The following MTMR6 variants were observed in gnomAD, a reference collection of about 807,000 sequenced individuals.
MTMR6 encodes phosphatidylinositol-3,5-bisphosphate 3-phosphatase MTMR6.
In MTMR6, 47 loss-of-function variants were observed where a neutral mutation model predicts 80.1. The ratio of observed to expected loss-of-function variants is 0.59; its 90% confidence interval spans 0.46 to 0.75. MTMR6 has a LOEUF of 0.75. MTMR6 is among the 30% of genes least tolerant of loss of function. The pLI is 0.00. For synonymous variants in MTMR6, 254 were observed against 253.0 expected (o/e 1.00, Z -0.04); for missense variants, 629 against 730.9 (o/e 0.86, Z 1.61).
chr13:25,257,950 AACAGGCAAG>A, intron 7 of MTMR6, 105 bp from the exon 8 acceptor site: 1 of 673,838 alleles, frequency 1.5e-6, no homozygotes, highest in Non-Finnish European at 2.4e-6. Context: ...AGACAAAATA[AACAGGCAAG>A]ACTCTATAAA....
Position 25,257,177 on chromosome 13 carries a change from T to C in MTMR6, c.1095+19A>G. On this transcript the variant is annotated intron_variant, in intron 9 of 13. Coordinates refer to ENST00000381801, the MANE Select transcript of MTMR6 (RefSeq NM_004685.5). ...TACTCCTACTTAAGAACCATTGGTC[T>C]AACCAAATAAATCCTTACCATGAAT... 6.2e-7 allele frequency: 1 copy of C among 1,609,152 alleles called. No homozygotes were observed. The highest frequency in any genetic ancestry group is 8.5e-7 in the Non-Finnish European group (1 of 1,177,318).
Position 25,247,494 on chromosome 13 carries a change from A to T in MTMR6, c.*1738T>A, listed in dbSNP as rs1031012316. On this transcript the variant is annotated 3_prime_UTR_variant, in exon 14 of 14. Coordinates refer to ENST00000381801, the MANE Select transcript of MTMR6 (RefSeq NM_004685.5). Reference sequence around the variant, plus strand: ...GTCTGAAGTTGAAGATTAAGATAATAAACCAGAGTTGAATACAAGAAGTCA... The same window carrying T: ...GTCTGAAGTTGAAGATTAAGATAATTAACCAGAGTTGAATACAAGAAGTCA... 2.0e-5 allele frequency: 3 copies of T among 152,468 alleles called. No individual in the cohort carries two copies. Among genetic ancestry groups the T allele is most frequent in the Non-Finnish European group, 4.4e-5 (3 of 68,018 alleles). The allele number at this position is 152,468 out of a possible 1,614,324, so 9.4% of individuals were successfully genotyped here.
Position 25,268,958 on chromosome 13 carries a change from G to A in MTMR6, c.142-1017C>T, listed in dbSNP as rs539660911. On this transcript the variant is annotated intron_variant, in intron 2 of 13. Coordinates refer to ENST00000381801, the MANE Select transcript of MTMR6 (RefSeq NM_004685.5). ...TCTCCCAACTCCCACTGCCTGTTCT[G>A]TGGTAGAGCAAAGTTGTGGACATGT... 5.3e-5 allele frequency among the ~76,000 whole-genome samples: 8 copies of A among 152,324 alleles called. No individual in the cohort carries two copies. The South Asian group carries it at 1.7e-3, about 32-fold the overall frequency.
intron 9 of MTMR6, 64 bp downstream of exon 9, chr13:25,257,132 C>G: frequency 6.7e-7 from 1 of 1,497,918 alleles, no homozygotes; most frequent in Admixed American, 2.0e-5. Flanking sequence ...TGCCAAATGT[C>G]CTCTGGAGGA....
intron 2 of MTMR6, among the ~76,000 whole-genome samples, chr13:25,268,557 C>T (rs1957503843): frequency 6.6e-6 from 1 of 152,178 alleles, no homozygotes; most frequent in South Asian, 2.1e-4. Context: ...GGTCTTTGCT[C>T]AAAACTCATA....
intron 1 of MTMR6, among the ~76,000 whole-genome samples, chr13:25,278,440 A>C (rs1957772854): frequency 6.6e-6 from 1 of 152,072 alleles, no homozygotes; most frequent in African/African-American, 2.4e-5. Context: ...AAACATATAA[A>C]AATTAGCAGC....
chr13:25,249,708 TAAAC>T (rs1253008262), intron 13 of MTMR6, among the ~76,000 whole-genome samples: 1 of 152,146 alleles, frequency 6.6e-6, no homozygotes, highest in Non-Finnish European at 1.5e-5. Flanking sequence ...TTATATTTAT[TAAAC>T]AAACAATCCA....
rs770043179 is a variant in MTMR6, at chr13:25,261,813, A to G, written c.592-11T>C. ...TCGACAAATGGCAGCCTATTTTTTAAAGGACAGAAAAGAGATTATGCAAAG... is the reference window on the plus strand; with the variant it reads ...TCGACAAATGGCAGCCTATTTTTTAGAGGACAGAAAAGAGATTATGCAAAG... On this transcript the variant is annotated splice_polypyrimidine_tract_variant and intron_variant, in intron 5 of 13. Transcript: ENST00000381801. The G allele has an allele frequency of 1.9e-5, 30 of 1,606,400 alleles. No individual in the cohort carries two copies. The Middle Eastern group carries it at 1.3e-3, about 71-fold the overall frequency.
intron 5 of MTMR6, among the ~76,000 whole-genome samples, chr13:25,263,999 T>A (rs1200498506): frequency 6.6e-6 from 1 of 152,106 alleles, no homozygotes; most frequent in African/African-American, 2.4e-5. Context: ...AACAGGTATT[T>A]GAAAGACATG....
At chr13:25,255,361 C>T (rs1174462526) in intron 9 of MTMR6, among the ~76,000 whole-genome samples, 2 of 152,194 alleles carry the variant, frequency 1.3e-5, no homozygotes, top group Non-Finnish European at 2.9e-5. Context: ...TAAAGCATAA[C>T]TCAATATCTT....
At chr13:25,276,384 T>A (rs1467003443) in intron 1 of MTMR6, among the ~76,000 whole-genome samples, 1 of 152,186 alleles carries the variant, frequency 6.6e-6, no homozygotes, top group Non-Finnish European at 1.5e-5. Context: ...AATTAAAAAG[T>A]CTACTGGCAA....
rs76349442 is a variant in MTMR6, at chr13:25,279,660, G to A, written c.25-5473C>T. Reference sequence around the variant, plus strand: ...CAAATGGAGAAAGGAAGAAGGATGCGTATGGAGTTTAAAAGGCAAATTCCA... The same window carrying A: ...CAAATGGAGAAAGGAAGAAGGATGCATATGGAGTTTAAAAGGCAAATTCCA... On this transcript the variant is annotated intron_variant, in intron 1 of 13. Transcript: ENST00000381801. Among the ~76,000 whole-genome samples, 1,011 of 152,292 alleles carry A rather than the reference G, an allele frequency of 6.6e-3. 17 individuals are homozygous for A. Among genetic ancestry groups the A allele is most frequent in the African/African-American group, 0.022 (919 of 41,552 alleles).
chr13:25,275,607 A>T (rs887601206), intron 1 of MTMR6, among the ~76,000 whole-genome samples: 1 of 151,954 alleles, frequency 6.6e-6, no homozygotes, highest in African/African-American at 2.4e-5. Context: ...CACGCCTGTA[A>T]TCCCAGCACT....
intron 2 of MTMR6, among the ~76,000 whole-genome samples, chr13:25,272,099 C>T (rs1051983106): frequency 2.0e-5 from 3 of 152,124 alleles, no homozygotes; most frequent in Admixed American, 6.5e-5. Flanking sequence ...TAAATGGCGC[C>T]GGTCGTCTAT....
In MTMR6 at chr13:25,249,506, A is replaced by G. The variant is rs1229864322; in HGVS notation, c.1606-14T>C. On this transcript the variant is annotated splice_polypyrimidine_tract_variant and intron_variant, in intron 13 of 13. Transcript: ENST00000381801. ...TTGTTTAATTTTCTAGAACAAACAC[A>G]AATTTGAAAAAATTACTAATTGCAT... is the stretch of plus-strand genomic sequence containing the variant. The G allele has an allele frequency of 6.2e-7, 1 of 1,603,716 alleles. No homozygotes were observed. The highest frequency in any genetic ancestry group is 2.2e-5 in the East Asian group (1 of 44,718).
At chr13:25,254,266 A>C in intron 10 of MTMR6, 119 bp downstream of exon 10, 1 of 777,344 alleles carries the variant, frequency 1.3e-6, no homozygotes, top group Non-Finnish European at 2.2e-6. Context: ...ATACAGTAAA[A>C]ACCATGACAC....
rs759400452 is a variant in MTMR6 at position 25,258,543 on chromosome 13, AG to A, written c.859+16del. Reference sequence around the variant, plus strand: ...TCTTTTGGACAAGGGTGTCTAAAAAAGTAAGCAATAATATACCTTCCAATAA... The same window carrying A: ...TCTTTTGGACAAGGGTGTCTAAAAAATAAGCAATAATATACCTTCCAATAA... On this transcript the variant is annotated intron_variant, in intron 7 of 13. Coordinates refer to ENST00000381801, the MANE Select transcript of MTMR6 (RefSeq NM_004685.5). 2 of 1,571,312 alleles carry A rather than the reference AG, an allele frequency of 1.3e-6. No individual in the cohort carries two copies. Among genetic ancestry groups the A allele is most frequent in the Non-Finnish European group, 8.6e-7 (1 of 1,166,706 alleles).
Position 25,287,358 on chromosome 13 carries a change from C to T in MTMR6, c.-111G>A. ...CGGGAACTCCCTCCACCAGCCAGCG[C>T]CGCGGGTCTGTCTGCCGGCCCCGGT... On this transcript the variant is annotated 5_prime_UTR_variant, in exon 1 of 14. Transcript: ENST00000381801. The T allele has an allele frequency of 1.4e-6, 2 of 1,424,044 alleles. No homozygotes were observed. Among genetic ancestry groups the T allele is most frequent in the Non-Finnish European group, 1.9e-6 (2 of 1,044,822 alleles). 88.2% of individuals were successfully genotyped at this position (1,424,044 alleles called of 1,614,324 possible).
At position 25,246,736 on chromosome 13, in the gene MTMR6, G is replaced by A. The variant is rs1364279209; in HGVS notation, c.*2496C>T. 1 of 152,680 alleles carries A rather than the reference G, an allele frequency of 6.5e-6. No individual in the cohort carries two copies. Among genetic ancestry groups the A allele is most frequent in the Non-Finnish European group, 1.5e-5 (1 of 68,048 alleles). The allele number at this position is 152,680 out of a possible 1,614,324, so 9.5% of individuals were successfully genotyped here. On this transcript the variant is annotated 3_prime_UTR_variant, in exon 14 of 14. Coordinates refer to ENST00000381801, the MANE Select transcript of MTMR6 (RefSeq NM_004685.5). ...CAGGCTTGACTGACACCACCTCCCT[G>A]CTCTGCTACCCGACCAAATAAATTG...
Sources: allele counts gnomAD v4.1 joint callset (sites outside exome capture counted in the v4.1 genomes callset), GRCh38; gene constraint gnomAD v4.1.1; transcripts MANE v1.5; gene names NCBI Gene and HGNC (gene_info 2026-07-23, HGNC 2026-07-21).